CACHD1: variants seen among roughly 807,000 people sequenced by gnomAD.
CACHD1 encodes the protein cache domain containing 1, also known as VWFA and cache domain-containing protein 1.
CACHD1 carries 71 observed loss-of-function variants against 138.7 expected under a neutral mutation model. The ratio of observed to expected loss-of-function variants is 0.51; its 90% CI spans 0.42 to 0.62. CACHD1 has a LOEUF of 0.62. CACHD1 is among the 20% of genes least tolerant of loss of function. The pLI, the probability that CACHD1 is intolerant of heterozygous loss-of-function variation, is 0.00. For synonymous variants in CACHD1, 578 were observed against 591.5 expected (o/e 0.98, Z 0.33); for missense variants, 1,389 against 1,625.3 (o/e 0.85, Z 2.50).
rs966250129 is a variant in CACHD1 at position 64,679,610 on chromosome 1, C to T, written c.3260C>T (p.Thr1087Ile). Residue 1087 changes from threonine to isoleucine, a missense_variant, in exon 24 of 27, where the codon ACA becomes ATA. Physicochemically the swap from Thr to Ile is moderately conservative, Grantham distance 89 (BLOSUM62 -1). Around this residue, in one of 5 missense-constraint regions of CACHD1, gnomAD observed 250 missense variants for 292.9 expected, o/e 0.85. Transcript: ENST00000651257. ...TTCACTGAAGGTGATGAGGTGATCA[C>T]ATTAAACATGATTAAAAGCGCCCCT... is the stretch of plus-strand genomic sequence containing the variant. ...DMGAIGDEVI[T>I]LNMIKSAPVG... The T allele has an allele frequency of 1.2e-6, 2 of 1,614,172 alleles. No individual in the cohort carries two copies. Among genetic ancestry groups the T allele is most frequent in the South Asian group, 1.1e-5 (1 of 91,080 alleles).
intron 20 of CACHD1, 28 bp from the exon 21 acceptor site, chr1:64,675,869 G>A: frequency 7.0e-7 from 1 of 1,433,820 alleles, no homozygotes; most frequent in South Asian, 1.4e-5. Context: ...TTGACCTTCT[G>A]CATAGTAACT....
intron 22 of CACHD1, among the ~76,000 whole-genome samples, chr1:64,677,313 G>T (rs970760034): frequency 1.3e-5 from 2 of 152,086 alleles, no homozygotes; most frequent in African/African-American, 4.8e-5. Flanking sequence ...AGAACCCAGT[G>T]GTCAAGGCTC....
chr1:64,585,737 G>C (rs1209479495), intron 3 of CACHD1, among the ~76,000 whole-genome samples: 1 of 152,206 alleles, frequency 6.6e-6, no homozygotes, highest in Non-Finnish European at 1.5e-5. Context: ...ACAGGAAGTG[G>C]CCTGTGAGGA....
At chr1:64,635,840 G>A (rs948608651) in intron 7 of CACHD1, among the ~76,000 whole-genome samples, 5 of 151,756 alleles carry the variant, frequency 3.3e-5, no homozygotes, top group Non-Finnish European at 5.9e-5. Context: ...GGCTGGGCGC[G>A]GTGGCTCATG....
intron 1 of CACHD1, among the ~76,000 whole-genome samples, chr1:64,503,338 C>T (rs1424223411): frequency 2.0e-5 from 3 of 152,182 alleles, no homozygotes; most frequent in Non-Finnish European, 4.4e-5. Flanking sequence ...AATCTAAAAT[C>T]TGTCAAAGCA....
chr1:64,470,509 C>T lies in CACHD1; in HGVS notation c.-236C>T, dbSNP rs1165134676. ...TGGGCGCCGGGCTCCGGGGACCGCT[C>T]GGGCGGCCGCCTCCTACCCCCACCG... On this transcript the variant is annotated 5_prime_UTR_variant, in exon 1 of 27. Transcript: ENST00000651257. This position sits in a 1 kb window ranked among gnomAD's most constrained non-coding sequence, Gnocchi z 5.2. 6.6e-6 allele frequency among the ~76,000 whole-genome samples: 1 copy of T among 151,520 alleles called. No individual in the cohort carries two copies. Among genetic ancestry groups the T allele is most frequent in the African/African-American group, 2.4e-5 (1 of 41,352 alleles).
intron 2 of CACHD1, among the ~76,000 whole-genome samples, chr1:64,554,266 C>A (rs1646780562): frequency 6.6e-6 from 1 of 152,138 alleles, no homozygotes; most frequent in African/African-American, 2.4e-5. Flanking sequence ...AGGAATAATT[C>A]CCTTAATTGC....
chr1:64,641,679 C>G, intron 7 of CACHD1, 141 bp from the exon 8 acceptor site: 1 of 541,822 alleles, frequency 1.8e-6, no homozygotes, highest in Non-Finnish European at 3.2e-6. Context: ...ATGAAAGCCA[C>G]AGCATCAAAC....
rs1235349091 is a variant in CACHD1 at position 64,484,350 on chromosome 1, GC to G, written c.198+13409del. Among the ~76,000 whole-genome samples the G allele has an allele frequency of 6.6e-5, 10 of 152,062 alleles. 1 individual carries two copies. In the South Asian group the frequency reaches 1.7e-3, roughly 25 times the overall value. ...TCTAGCATTCCAACAGAAGGAAGAG[GC>G]TTTGTAGAGGTCTTGAGAGACAGGA... On this transcript the variant is annotated intron_variant, in intron 1 of 26. Transcript: ENST00000651257.
At chr1:64,507,606 G>A (rs983728701) in intron 1 of CACHD1, among the ~76,000 whole-genome samples, 18 of 152,184 alleles carry the variant, frequency 1.2e-4, no homozygotes, top group Non-Finnish European at 1.9e-4. Context: ...GTAGGAATCC[G>A]CAGACAGCCC....
At position 64,629,439 on chromosome 1, in the gene CACHD1, C is replaced by A. The variant is rs1648224539; in HGVS notation, c.602C>A (p.Ala201Glu). The A allele has an allele frequency of 1.2e-6, 2 of 1,614,028 alleles. No individual in the cohort carries two copies. Among genetic ancestry groups the A allele is most frequent in the South Asian group, 1.1e-5 (1 of 91,080 alleles). ...GAAGGAATTTTCACTGTTTTCCCAG[C>A]ACACAAGTTCCGGTGTAAGGGCAGC... is the stretch of plus-strand genomic sequence containing the variant. ...SEEGIFTVFP[A>E]HKFRCKGSYE... is the part of the protein sequence containing the mutation. The change falls in exon 5 of 27, where the codon GCA (alanine) becomes GAA (glutamate). Residue 201 changes from alanine to glutamate, a missense_variant. By Grantham distance (107) the Ala-to-Glu change is moderately radical. This residue lies in a region of CACHD1 where 1,000 missense variants were observed against 1,114.7 expected (regional missense o/e 0.90). Coordinates refer to ENST00000651257, the MANE Select transcript of CACHD1 (RefSeq NM_020925.4).
At chr1:64,519,207 A>T (rs1222290743) in intron 1 of CACHD1, among the ~76,000 whole-genome samples, 1 of 152,188 alleles carries the variant, frequency 6.6e-6, no homozygotes, top group Non-Finnish European at 1.5e-5. Context: ...GGGAGACAGT[A>T]ATAGCTTCTT....
intron 16 of CACHD1, among the ~76,000 whole-genome samples, chr1:64,670,973 G>A (rs1246799209): frequency 6.6e-6 from 1 of 152,192 alleles, no homozygotes; most frequent in African/African-American, 2.4e-5. Flanking sequence ...GAGAGTAGCA[G>A]GGTGGAATGG....
intron 3 of CACHD1, among the ~76,000 whole-genome samples, chr1:64,586,561 C>T (rs1647053086): frequency 6.6e-6 from 1 of 151,882 alleles, no homozygotes. Context: ...ATATGTGGAC[C>T]TTTGGAAGTC....
intron 4 of CACHD1, among the ~76,000 whole-genome samples, chr1:64,611,852 T>C (rs542207390): frequency 6.6e-6 from 1 of 152,376 alleles, no homozygotes; most frequent in East Asian, 1.9e-4. Context: ...ATTTTCTGTA[T>C]TAATCCATCC....
chr1:64,493,352 T>C (rs1646289077), intron 1 of CACHD1, among the ~76,000 whole-genome samples: 1 of 152,172 alleles, frequency 6.6e-6, no homozygotes. Context: ...ATGAAGCCAG[T>C]GTGATGACCC....
At chr1:64,645,117 C>T (rs1648860773) in intron 8 of CACHD1, among the ~76,000 whole-genome samples, 1 of 151,954 alleles carries the variant, frequency 6.6e-6, no homozygotes, top group Non-Finnish European at 1.5e-5. Flanking sequence ...ATAAATAAAA[C>T]ACTTGAACTA....
At chr1:64,483,623 C>T (rs1646223867) in intron 1 of CACHD1, among the ~76,000 whole-genome samples, 1 of 149,890 alleles carries the variant, frequency 6.7e-6, no homozygotes, top group African/African-American at 2.5e-5. Context: ...GTGGCAGGAC[C>T]CCTTGAGGCC....
chr1:64,533,016 A>C (rs1281850444), intron 1 of CACHD1, among the ~76,000 whole-genome samples: 1 of 151,910 alleles, frequency 6.6e-6, no homozygotes, highest in Non-Finnish European at 1.5e-5. Flanking sequence ...GATTAGGACA[A>C]TTACTTGAAT....
Sources: allele counts gnomAD v4.1 joint callset (sites outside exome capture counted in the v4.1 genomes callset), GRCh38; gene constraint gnomAD v4.1.1; regional missense constraint gnomAD v4.1.1; non-coding constraint Gnocchi (gnomAD v3.1); transcripts MANE v1.5; gene names NCBI Gene and HGNC (gene_info 2026-07-23, HGNC 2026-07-21).